Variants in DPP10 observed in about 807,000 individuals in gnomAD.
The protein encoded by DPP10 is dipeptidyl peptidase like 10, also known as inactive dipeptidyl peptidase 10.
Under a neutral mutation model 120.9 loss-of-function variants are expected in DPP10, and 33 were observed. The observed-to-expected ratio is 0.27, with a 90% confidence interval of 0.21 to 0.37. The LOEUF is 0.37. Among genes scored for constraint, DPP10 ranks in the 10% least tolerant of loss-of-function variants. The pLI is 1.00. For missense variants in DPP10, 816 were observed against 942.8 expected, an observed-to-expected ratio of 0.87 and a Z score of 1.76; for synonymous variants, 337 against 326.1, an observed-to-expected ratio of 1.03 and a Z score of -0.36.
chr2:115,282,936 C>CT (rs922380929), intron 1 of DPP10, among the ~76,000 whole-genome samples: 8 of 151,910 alleles, frequency 5.3e-5, no homozygotes, highest in Admixed American at 3.3e-4. Flanking sequence ...TGACTGTTTG[C>CT]TTTTTTTAAA....
intron 1 of DPP10, among the ~76,000 whole-genome samples, chr2:114,669,505 C>T (rs1028876405): frequency 6.6e-6 from 1 of 152,036 alleles, no homozygotes; most frequent in Non-Finnish European, 1.5e-5. Context: ...GAAATTTTGT[C>T]TCTTTCTTTC....
intron 1 of DPP10, among the ~76,000 whole-genome samples, chr2:114,871,665 G>C (rs1362144276): frequency 6.6e-6 from 1 of 152,004 alleles, no homozygotes; most frequent in Non-Finnish European, 1.5e-5. Context: ...AGATTCGAGG[G>C]GGTACATGTT....
At chr2:115,805,709 GGATT>G (rs1220055119) in intron 19 of DPP10, among the ~76,000 whole-genome samples, 3 of 151,752 alleles carry the variant, frequency 2.0e-5, no homozygotes, top group African/African-American at 7.3e-5. Context: ...CGAGTAGCTA[GGATT>G]ACAGGTGCCC....
intron 5 of DPP10, among the ~76,000 whole-genome samples, chr2:115,685,567 A>G (rs113535678): frequency 1.3e-3 from 202 of 152,108 alleles, no homozygotes; most frequent in African/African-American, 4.3e-3. Context: ...TTAGTATTCA[A>G]TAGTTACATA....
rs182032059 is a variant in DPP10 at position 114,465,504 on chromosome 2, C to T, written c.60+22666C>T. On this transcript the variant is annotated intron_variant, in intron 1 of 25. Transcript: ENST00000410059. The stretch of plus-strand genomic sequence containing the variant: ...TGCTCCCAGCCAATGGCTGCTGCAG[C>T]ACTTCCTGATATCTAGATCACAAAG... Among the ~76,000 whole-genome samples the T allele has an allele frequency of 3.3e-5, 5 of 152,312 alleles. No individual in the cohort carries two copies. In the East Asian group the frequency reaches 9.7e-4, roughly 29 times the overall value.
At chr2:114,850,544 C>T (rs1232290388) in intron 1 of DPP10, among the ~76,000 whole-genome samples, 1 of 151,644 alleles carries the variant, frequency 6.6e-6, no homozygotes. Context: ...TTTATTATTC[C>T]CAATCATAAT....
intron 5 of DPP10, among the ~76,000 whole-genome samples, chr2:115,596,413 A>G (rs541645209): frequency 3.9e-4 from 59 of 152,100 alleles, no homozygotes; most frequent in African/African-American, 1.4e-3. Context: ...TTTCCTTAAG[A>G]CAAGTAATTA....
intron 3 of DPP10, among the ~76,000 whole-genome samples, chr2:115,416,530 T>C (rs1003093577): frequency 6.6e-6 from 1 of 152,092 alleles, no homozygotes; most frequent in African/African-American, 2.4e-5. Context: ...CCCTAGGCCA[T>C]CTATTCTGTA....
At chr2:115,808,380 T>C (rs780276884) in intron 19 of DPP10, among the ~76,000 whole-genome samples, 3 of 152,096 alleles carry the variant, frequency 2.0e-5, no homozygotes, top group South Asian at 2.1e-4. Flanking sequence ...TGATGCAGAG[T>C]TGCATAGAGA....
intron 1 of DPP10, among the ~76,000 whole-genome samples, chr2:115,054,182 C>T (rs1321046248): frequency 1.3e-5 from 2 of 152,054 alleles, no homozygotes; most frequent in African/African-American, 2.4e-5. Flanking sequence ...GGAAGCTTTA[C>T]TTTATGTAAT....
chr2:114,713,624 A>T (rs1025799128), intron 1 of DPP10, among the ~76,000 whole-genome samples: 1 of 152,196 alleles, frequency 6.6e-6, no homozygotes, highest in South Asian at 2.1e-4. Context: ...CATTCAATCT[A>T]TGATTCCCAC....
chr2:115,293,928 C>A (rs2060770458), intron 1 of DPP10, among the ~76,000 whole-genome samples: 2 of 151,828 alleles, frequency 1.3e-5, no homozygotes, highest in Admixed American at 1.3e-4. Flanking sequence ...ACAGCCAAGT[C>A]AAAAGATGGA....
At chr2:114,451,311 T>C (rs968157501) in intron 1 of DPP10, among the ~76,000 whole-genome samples, 2 of 152,130 alleles carry the variant, frequency 1.3e-5, no homozygotes, top group Non-Finnish European at 2.9e-5. Context: ...TCTCTCATTG[T>C]TACAGTCATT....
chr2:114,823,854 C>T (rs1686305998), intron 1 of DPP10, among the ~76,000 whole-genome samples: 1 of 152,270 alleles, frequency 6.6e-6, no homozygotes, highest in East Asian at 1.9e-4. Flanking sequence ...ACCAGTGTCC[C>T]CCATTAGCTG....
intron 1 of DPP10, among the ~76,000 whole-genome samples, chr2:114,650,036 T>C (rs1696459503): frequency 6.6e-6 from 1 of 152,210 alleles, no homozygotes; most frequent in South Asian, 2.1e-4. Context: ...GGCCATGTTA[T>C]ACATTTTATT....
chr2:115,519,772 A>T (rs572270578), intron 4 of DPP10, among the ~76,000 whole-genome samples: 80 of 152,116 alleles, frequency 5.3e-4, no homozygotes, highest in Non-Finnish European at 1.0e-3. Flanking sequence ...ACTAGATCGT[A>T]ATCTTTTTCC....
At chr2:114,699,535 G>C (rs970213297) in intron 1 of DPP10, among the ~76,000 whole-genome samples, 2 of 152,040 alleles carry the variant, frequency 1.3e-5, no homozygotes, top group African/African-American at 4.8e-5. Flanking sequence ...CTATCTTTGA[G>C]GCTCTTGGCC....
chr2:115,236,429 G>A (rs751077270), intron 1 of DPP10, among the ~76,000 whole-genome samples: 3 of 152,128 alleles, frequency 2.0e-5, no homozygotes, highest in Non-Finnish European at 2.9e-5. Context: ...GATCAAGAGG[G>A]GAAGTCATTT....
intron 1 of DPP10, among the ~76,000 whole-genome samples, chr2:114,936,799 T>TGTTA (rs374854532): frequency 6.6e-6 from 1 of 152,222 alleles, no homozygotes; most frequent in African/African-American, 2.4e-5. Flanking sequence ...AGGAGTGAGG[T>TGTTA]GTTATCACAT....
Sources: allele counts gnomAD v4.1 joint callset (sites outside exome capture counted in the v4.1 genomes callset), GRCh38; gene constraint gnomAD v4.1.1; transcripts MANE v1.5; gene names NCBI Gene and HGNC (gene_info 2026-07-23, HGNC 2026-07-21).